CAPN14: variants seen among roughly 807,000 people sequenced by gnomAD.
CAPN14 encodes the protein calpain 14, also known as calpain-14.
A neutral mutation model predicts 101.3 loss-of-function variants in CAPN14; 94 were observed. The observed-to-expected ratio is 0.93, with a 90% CI of 0.79 to 1.10. The LOEUF (loss-of-function observed/expected upper bound fraction) is 1.10. Among genes scored for constraint, CAPN14 ranks in the 50% least tolerant of loss-of-function variants. The pLI, the probability that CAPN14 is intolerant of heterozygous loss-of-function variation, is 0.00. For synonymous variants in CAPN14, 338 were observed against 317.9 expected, an observed-to-expected ratio of 1.06 and a Z score of -0.67; for missense variants, 837 against 828.4, an observed-to-expected ratio of 1.01 and a Z score of -0.13.
At chr2:31,219,277 G>A (rs1682789397), upstream of CAPN14, among the ~76,000 whole-genome samples, 1 of 152,024 alleles carries the variant, frequency 6.6e-6, no homozygotes, top group Non-Finnish European at 1.5e-5. Flanking sequence ...TGGGTGACAG[G>A]AAACAGATGG....
At chr2:31,207,068 G>A (rs1011324923) in intron 1 of CAPN14, among the ~76,000 whole-genome samples, 2 of 152,216 alleles carry the variant, frequency 1.3e-5, no homozygotes, top group African/African-American at 4.8e-5. Context: ...TCAGCTCTCA[G>A]TGCTACAAAC....
chr2:31,186,927 T>C (rs922174787), intron 15 of CAPN14, among the ~76,000 whole-genome samples: 1 of 152,226 alleles, frequency 6.6e-6, no homozygotes, highest in African/African-American at 2.4e-5. Context: ...GAGACTTCAT[T>C]TGATAAAAGG....
At chr2:31,231,207 T>C (rs1211470231) in intron 1 of CAPN14, among the ~76,000 whole-genome samples, 1 of 152,110 alleles carries the variant, frequency 6.6e-6, no homozygotes, top group African/African-American at 2.4e-5. Flanking sequence ...TTTTTTTTAC[T>C]ATTGCTCTAT....
chr2:31,211,036 A>T (rs1682372596), intron 1 of CAPN14, among the ~76,000 whole-genome samples: 1 of 152,196 alleles, frequency 6.6e-6, no homozygotes, highest in Non-Finnish European at 1.5e-5. Flanking sequence ...TATTTAACCC[A>T]AGAAAAGATA....
chr2:31,229,650 G>A (rs1683127480), intron 1 of CAPN14, among the ~76,000 whole-genome samples: 2 of 132,572 alleles, frequency 1.5e-5, no homozygotes, highest in Non-Finnish European at 3.1e-5. Flanking sequence ...CTGCACTCCA[G>A]CCTGGGTGAC....
intron 1 of CAPN14, among the ~76,000 whole-genome samples, chr2:31,215,848 GAAAA>G (rs35210385): frequency 1.5e-5 from 2 of 134,388 alleles, no homozygotes; most frequent in Non-Finnish European, 1.6e-5. Flanking sequence ...TCTTAAAAAA[GAAAA>G]AAAAAAAAAA....
chr2:31,180,189 T>A (rs201868735), intron 17 of CAPN14, among the ~76,000 whole-genome samples: 2 of 150,146 alleles, frequency 1.3e-5, no homozygotes, highest in Admixed American at 1.3e-4. Context: ...TAACTCCCCA[T>A]GTTCCAGGTG....
At chr2:31,232,185 T>C (rs1335995016) in intron 1 of CAPN14, among the ~76,000 whole-genome samples, 1 of 152,238 alleles carries the variant, frequency 6.6e-6, no homozygotes, top group Non-Finnish European at 1.5e-5. Flanking sequence ...CTCTGTCTGC[T>C]AAATCAGCTC....
In CAPN14 at chr2:31,176,662, A is replaced by G; in HGVS notation, c.1973-20T>C. 6.5e-7 allele frequency: 1 copy of G among 1,544,678 alleles called. No homozygotes were observed. Among genetic ancestry groups the G allele is most frequent in the African/African-American group, 1.4e-5 (1 of 73,058 alleles). ...AGACATCTGTGAAAATGCAGCAGAA[A>G]GGAATACAGCTAATGTGTCTATTGG... is the stretch of plus-strand genomic sequence containing the variant. On this transcript the variant is annotated intron_variant, in intron 20 of 21. Transcript: ENST00000403897.
At chr2:31,219,184 G>A (rs1344955611), upstream of CAPN14, among the ~76,000 whole-genome samples, 3 of 151,012 alleles carry the variant, frequency 2.0e-5, no homozygotes, top group Non-Finnish European at 1.5e-5. Flanking sequence ...AAATTGTGCT[G>A]CGGATTCACA....
At chr2:31,211,434 T>C (rs1368145435) in intron 1 of CAPN14, among the ~76,000 whole-genome samples, 1 of 152,144 alleles carries the variant, frequency 6.6e-6, no homozygotes. Flanking sequence ...TCGGTGGTAT[T>C]CTTTTTAAAA....
In CAPN14 at chr2:31,202,250, C is replaced by T; in HGVS notation, c.298G>A (p.Asp100Asn). 1.9e-6 allele frequency: 3 copies of T among 1,551,020 alleles called. No individual in the cohort carries two copies. Among genetic ancestry groups the T allele is most frequent in the South Asian group, 1.2e-5 (1 of 84,042 alleles). Reference protein sequence around the residue: ...RLDLCQGIVGDCWFLAALQAL... With the variant: ...RLDLCQGIVGNCWFLAALQAL... ...TGCAAAGCAGCCAAGAACCAGCAGTCTCCTAAGTCAGACAGCACACAGCAT... is the reference window on the plus strand; with the variant it reads ...TGCAAAGCAGCCAAGAACCAGCAGTTTCCTAAGTCAGACAGCACACAGCAT... Residue 100 changes from aspartate to asparagine, a missense_variant and splice_region_variant, in exon 4 of 22, where the codon GAC becomes AAC. Asp to Asn is a conservative substitution (Grantham distance 23). Transcript: ENST00000403897.
chr2:31,187,612 T>A, intron 15 of CAPN14, 146 bp downstream of exon 15: 1 of 652,332 alleles, frequency 1.5e-6, no homozygotes, highest in Non-Finnish European at 2.7e-6. Flanking sequence ...AGGACTTTAA[T>A]AGAAAGTGGC....
chr2:31,228,616 C>T (rs1198772939), intron 1 of CAPN14, among the ~76,000 whole-genome samples: 1 of 152,164 alleles, frequency 6.6e-6, no homozygotes, highest in Non-Finnish European at 1.5e-5. Context: ...AAATACTAAG[C>T]TTATTCAATA....
chr2:31,213,015 C>T (rs902562402), intron 1 of CAPN14, among the ~76,000 whole-genome samples: 2 of 152,200 alleles, frequency 1.3e-5, no homozygotes, highest in Non-Finnish European at 2.9e-5. Flanking sequence ...ATGATCAATT[C>T]CCTGCTCTCG....
At chr2:31,207,586 G>C (rs2148695717) in intron 1 of CAPN14, among the ~76,000 whole-genome samples, 1 of 152,190 alleles carries the variant, frequency 6.6e-6, no homozygotes, top group East Asian at 1.9e-4. Context: ...GGGGCAACAT[G>C]GCAAAACTTC....
At position 31,174,589 on chromosome 2, in the gene CAPN14, G is replaced by A; in HGVS notation, c.*92C>T. On this transcript the variant is annotated 3_prime_UTR_variant, in exon 22 of 22. Coordinates refer to ENST00000403897, the MANE Select transcript of CAPN14 (RefSeq NM_001145122.2). The stretch of plus-strand genomic sequence containing the variant: ...GCTAGTGAGGCTGTCCTGAAGATCA[G>A]TAAGTAGGGTGGGCATGGGTTGGTC... The A allele has an allele frequency of 3.7e-6, 5 of 1,350,946 alleles. No homozygotes were observed. Among genetic ancestry groups the A allele is most frequent in the African/African-American group, 1.5e-5 (1 of 68,922 alleles). 83.7% of individuals were successfully genotyped at this position (1,350,946 alleles called of 1,614,324 possible). A position where few individuals can be genotyped will look rare whatever the true frequency, so the allele number is the denominator to read the frequency against.
chr2:31,179,062 A>T lies in CAPN14; in HGVS notation c.1711-483T>A, dbSNP rs7590940. On this transcript the variant is annotated intron_variant, in intron 17 of 21. Transcript: ENST00000403897. ...TTCTTAACATCCTTTATTGAGTTCT[A>T]TATATATATATATATATATATATAT... 9.6e-3 allele frequency among the ~76,000 whole-genome samples: 595 copies of T among 62,134 alleles called. 9 individuals carry two copies. The highest frequency in any genetic ancestry group is 0.049 in the African/African-American group (346 of 7,070). 40.8% of individuals were successfully genotyped at this position (62,134 alleles called of 152,430 possible).
chr2:31,232,697 G>A (rs1276916993), intron 1 of CAPN14, among the ~76,000 whole-genome samples: 1 of 152,138 alleles, frequency 6.6e-6, no homozygotes, highest in African/African-American at 2.4e-5. Flanking sequence ...GAATGAAACT[G>A]TCCCTATGAT....
Sources: allele counts gnomAD v4.1 joint callset (sites outside exome capture counted in the v4.1 genomes callset), GRCh38; gene constraint gnomAD v4.1.1; transcripts MANE v1.5; gene names NCBI Gene and HGNC (gene_info 2026-07-23, HGNC 2026-07-21).